CFAP418: variants seen among roughly 807,000 people sequenced by gnomAD.
CFAP418 encodes cilia- and flagella-associated protein 418.
In CFAP418, 27 loss-of-function variants were observed where a neutral mutation model predicts 24.7. The ratio of observed to expected loss-of-function variants is 1.09; its 90% CI spans 0.81 to 1.51. CFAP418 has a LOEUF of 1.51. Among genes scored for constraint, CFAP418 ranks in the 40% most tolerant of loss-of-function variants. The pLI, the probability that CFAP418 is intolerant of heterozygous loss-of-function variation, is 0.00. For synonymous variants in CFAP418, 74 were observed against 87.3 expected (o/e 0.85, Z 0.85); for missense variants, 257 against 255.2 (o/e 1.01, Z -0.05).
At chr8:95,259,973 T>G in intron 3 of CFAP418, 68 bp from the exon 4 acceptor site, 91 of 1,316,012 alleles carry the variant, frequency 6.9e-5, no homozygotes, top group Non-Finnish European at 9.0e-5. Flanking sequence ...AATTTGGCCA[T>G]GTTAAAAAAA....
At chr8:95,264,079 T>C (rs2132164690) in intron 1 of CFAP418, among the ~76,000 whole-genome samples, 1 of 152,326 alleles carries the variant, frequency 6.6e-6, no homozygotes, top group Non-Finnish European at 1.5e-5. Context: ...ACATAAAGCA[T>C]GTATTTAATA....
intron 4 of CFAP418, among the ~76,000 whole-genome samples, chr8:95,255,268 T>C (rs1811769963): frequency 6.6e-6 from 1 of 152,162 alleles, no homozygotes. Context: ...GCCCAGTCAG[T>C]GGCCATTCTT....
intron 5 of CFAP418, among the ~76,000 whole-genome samples, chr8:95,248,522 G>A (rs1811661151): frequency 6.6e-6 from 1 of 152,094 alleles, no homozygotes; most frequent in African/African-American, 2.4e-5. Flanking sequence ...TCAATGATCT[G>A]TTTATTCATA....
intron 5 of CFAP418, among the ~76,000 whole-genome samples, chr8:95,250,978 G>A (rs536509212): frequency 6.6e-6 from 1 of 152,250 alleles, no homozygotes; most frequent in Admixed American, 6.5e-5. Context: ...CTATTGAAAA[G>A]TGCTGCAATA....
chr8:95,255,474 C>A (rs1811773144), intron 4 of CFAP418, among the ~76,000 whole-genome samples: 1 of 152,194 alleles, frequency 6.6e-6, no homozygotes, highest in African/African-American at 2.4e-5. Context: ...TATTCCCTGA[C>A]CCTTCATATT....
intron 4 of CFAP418, among the ~76,000 whole-genome samples, chr8:95,258,906 G>A (rs1051748638): frequency 6.6e-6 from 1 of 152,140 alleles, no homozygotes; most frequent in African/African-American, 2.4e-5. Flanking sequence ...ACCTAGCCTA[G>A]GTGTGGAGTA....
intron 5 of CFAP418, among the ~76,000 whole-genome samples, chr8:95,249,058 C>T (rs1333788209): frequency 6.6e-6 from 1 of 152,004 alleles, no homozygotes; most frequent in African/African-American, 2.4e-5. Context: ...TAAATTTTAA[C>T]AGAAAGAAAA....
At chr8:95,258,492 A>G (rs1184801095) in intron 4 of CFAP418, among the ~76,000 whole-genome samples, 1 of 151,960 alleles carries the variant, frequency 6.6e-6, no homozygotes, top group East Asian at 1.9e-4. Context: ...ATGTATTTTA[A>G]ATTGTTATTA....
intron 4 of CFAP418, among the ~76,000 whole-genome samples, chr8:95,253,947 G>A (rs1316462058): frequency 1.3e-5 from 2 of 152,174 alleles, no homozygotes; most frequent in Non-Finnish European, 2.9e-5. Flanking sequence ...CATTTTGTAT[G>A]TGTAAAATCT....
intron 4 of CFAP418, among the ~76,000 whole-genome samples, chr8:95,255,238 G>A (rs1811769088): frequency 6.6e-6 from 1 of 152,014 alleles, no homozygotes; most frequent in Non-Finnish European, 1.5e-5. Flanking sequence ...TAAGCCAAAT[G>A]TCCCTCCACT....
chr8:95,268,950 T>C, intron 1 of CFAP418, 85 bp downstream of exon 1: 1 of 1,454,454 alleles, frequency 6.9e-7, no homozygotes, highest in Non-Finnish European at 9.4e-7. Context: ...CGGGCACGTT[T>C]CTTTTGGGTT....
At position 95,263,239 on chromosome 8, in the gene CFAP418, T is replaced by C. The variant is rs190278972; in HGVS notation, c.243+448A>G. Among the ~76,000 whole-genome samples, 396 of 152,312 alleles carry C rather than the reference T, an allele frequency of 2.6e-3. 2 individuals carry two copies. Among genetic ancestry groups the C allele is most frequent in the African/African-American group, 9.2e-3 (383 of 41,574 alleles). ...GCTGTTATATTACTTTCTGAACTTT[T>C]TATGCAGCTAAAATAGACATACAAA... On this transcript the variant is annotated intron_variant, in intron 2 of 5. Transcript: ENST00000286688.
intron 4 of CFAP418, among the ~76,000 whole-genome samples, chr8:95,258,381 C>CA (rs61473559): frequency 0.27 from 13,535 of 49,282 alleles, 2,178 homozygotes; most frequent in Non-Finnish European, 0.35. Flanking sequence ...GACTCTGTCT[C>CA]AAAAAAAAAA....
chr8:95,251,508 C>T (rs1361057473), intron 5 of CFAP418, among the ~76,000 whole-genome samples: 2 of 152,100 alleles, frequency 1.3e-5, no homozygotes, highest in Non-Finnish European at 2.9e-5. Context: ...TCATGAATGC[C>T]ATGCTAAGGA....
intron 1 of CFAP418, among the ~76,000 whole-genome samples, chr8:95,264,572 G>A (rs964633732): frequency 2.0e-5 from 3 of 152,134 alleles, no homozygotes; most frequent in Admixed American, 6.5e-5. Context: ...AGGGCAGTCC[G>A]TGCACTTAAT....
chr8:95,262,585 C>A lies in CFAP418; in HGVS notation c.243+1102G>T, dbSNP rs146227062. Among the ~76,000 whole-genome samples the A allele has an allele frequency of 3.5e-3, 532 of 152,250 alleles. 3 individuals are homozygous for A. In the Middle Eastern group the frequency reaches 0.037, roughly 11 times the overall value. ...TCTAACAGATAATGCTTGACACACA[C>A]CATACTGATAAAAATTAAAATACAT... On this transcript the variant is annotated intron_variant, in intron 2 of 5. Transcript: ENST00000286688.
chr8:95,264,669 A>G (rs1259439497), intron 1 of CFAP418, among the ~76,000 whole-genome samples: 2 of 152,172 alleles, frequency 1.3e-5, no homozygotes, highest in East Asian at 3.8e-4. Flanking sequence ...TTTGTTTTAG[A>G]AGACAAGTTT....
intron 1 of CFAP418, chr8:95,268,776 G>GGGCGGGGCGGGGCA (rs1554559652): frequency 5.7e-5 from 13 of 229,212 alleles, no homozygotes; most frequent in South Asian, 1.7e-4. Flanking sequence ...GGGGCGGGGC[G>GGGCGGGGCGGGGCA]GGGCGGGGCG....
chr8:95,253,662 G>A (rs1229419413), intron 4 of CFAP418, among the ~76,000 whole-genome samples: 2 of 152,144 alleles, frequency 1.3e-5, no homozygotes, highest in East Asian at 3.8e-4. Context: ...TCATAGGCAA[G>A]TCCATATTTT....
Sources: gnomAD v4.1 joint callset for allele counts (sites outside exome capture counted in the v4.1 genomes callset) on GRCh38, gnomAD v4.1.1 for gene constraint, MANE v1.5 for transcripts, NCBI Gene and HGNC (gene_info 2026-07-23, HGNC 2026-07-21) for gene names.